The following CTDP1 variants were observed in gnomAD, a reference collection of about 807,000 sequenced individuals.
The protein encoded by CTDP1 is CTD phosphatase 1, also known as RNA polymerase II subunit A C-terminal domain phosphatase.
CTDP1 carries 47 observed loss-of-function variants against 91.8 expected under a neutral mutation model. The observed-to-expected ratio is 0.51, with a 90% CI of 0.41 to 0.65. The LOEUF (loss-of-function observed/expected upper bound fraction) is 0.65, where lower values mean the gene tolerates loss of function less well. Ranked by LOEUF, CTDP1 falls within the 30% of genes least tolerant of loss-of-function variation. CTDP1 has a pLI of 0.00. For missense variants in CTDP1, 1,272 were observed against 1,373.7 expected, an observed-to-expected ratio of 0.93 and a Z score of 1.17; for synonymous variants, 656 against 598.5, an observed-to-expected ratio of 1.10 and a Z score of -1.40.
At chr18:79,749,710 TC>T (rs2086957950) in intron 12 of CTDP1, 1 of 152,284 alleles carries the variant, frequency 6.6e-6, no homozygotes, top group African/African-American at 2.4e-5. Flanking sequence ...GTTGAGCTCT[TC>T]CAGGGGTTCG....
intron 1 of CTDP1, chr18:79,685,417 A>G (rs677768): frequency 0.7 from 106,190 of 152,032 alleles, 37,552 homozygotes; most frequent in Middle Eastern, 0.74. Context: ...GGGAGCCTGC[A>G]GTGACTGGTG....
chr18:79,752,236 GGCACCGGCTGGTTAT>G (rs1363544680), intron 12 of CTDP1, among the ~76,000 whole-genome samples: 84 of 152,060 alleles, frequency 5.5e-4, no homozygotes, highest in African/African-American at 2.0e-3. Context: ...AAAGCCTAGT[GGCACCGGCTGGTTAT>G]GCAGAGGCTC....
intron 1 of CTDP1, among the ~76,000 whole-genome samples, chr18:79,689,969 GGCT>G (rs1377534061): frequency 6.6e-6 from 1 of 152,172 alleles, no homozygotes; most frequent in Non-Finnish European, 1.5e-5. Flanking sequence ...ACGGATTCTA[GGCT>G]GCTGCTCTCC....
intron 1 of CTDP1, among the ~76,000 whole-genome samples, chr18:79,689,863 C>G (rs1055673866): frequency 6.6e-6 from 1 of 152,156 alleles, no homozygotes; most frequent in Non-Finnish European, 1.5e-5. Context: ...TATTATTTGC[C>G]TTGACACAAA....
chr18:79,731,822 G>A (rs2086570880), intron 11 of CTDP1, among the ~76,000 whole-genome samples: 1 of 152,202 alleles, frequency 6.6e-6, no homozygotes, highest in Non-Finnish European at 1.5e-5. Flanking sequence ...AAGAACAGAG[G>A]CCGGGTGTGG....
chr18:79,753,514 C>T (rs2087041455), intron 12 of CTDP1, 138 bp from the exon 13 acceptor site: 1 of 1,373,130 alleles, frequency 7.3e-7, no homozygotes, highest in Non-Finnish European at 1.0e-6. Flanking sequence ...GGGTCGGTGG[C>T]CTGTGTGTGT....
chr18:79,711,702 A>G (rs1185311197), intron 6 of CTDP1, among the ~76,000 whole-genome samples: 3 of 152,206 alleles, frequency 2.0e-5, no homozygotes, highest in Non-Finnish European at 4.4e-5. Context: ...TATTATGCCC[A>G]TATTTTTGCC....
chr18:79,727,512 G>A (rs1340985412), intron 10 of CTDP1, among the ~76,000 whole-genome samples: 2 of 152,188 alleles, frequency 1.3e-5, no homozygotes, highest in Non-Finnish European at 2.9e-5. Context: ...TGCGGCGTTC[G>A]TGGGATGGGA....
intron 6 of CTDP1, among the ~76,000 whole-genome samples, chr18:79,711,790 C>T (rs1373700051): frequency 2.0e-5 from 3 of 152,180 alleles, no homozygotes; most frequent in African/African-American, 4.8e-5. Context: ...CAGGGCAGGC[C>T]GCTCCCCGCC....
intron 12 of CTDP1, 77 bp downstream of exon 12, chr18:79,736,598 C>CTGCA (rs2086672767): frequency 7.3e-7 from 1 of 1,366,178 alleles, no homozygotes; most frequent in South Asian, 1.4e-5. Context: ...GGCCGCCTAC[C>CTGCA]TGCATCTCAT....
At chr18:79,705,600 G>A (rs955285271) in intron 5 of CTDP1, among the ~76,000 whole-genome samples, 4 of 151,628 alleles carry the variant, frequency 2.6e-5, no homozygotes, top group Non-Finnish European at 5.9e-5. Context: ...GACGGCGACC[G>A]TCTGTCCCAC....
chr18:79,694,672 G>C (rs976041018), intron 1 of CTDP1, among the ~76,000 whole-genome samples: 2 of 152,172 alleles, frequency 1.3e-5, no homozygotes, highest in African/African-American at 4.8e-5. Flanking sequence ...CTGAGTGCCA[G>C]GCGGCCTCTG....
chr18:79,739,866 G>A (rs77273892), intron 12 of CTDP1, among the ~76,000 whole-genome samples: 130 of 11,816 alleles, frequency 0.011, no homozygotes, highest in Middle Eastern at 0.025. Flanking sequence ...ACCCACGGCC[G>A]GGACGGGTGG....
At chr18:79,714,065 G>A (rs534859856) in intron 7 of CTDP1, among the ~76,000 whole-genome samples, 28 of 151,986 alleles carry the variant, frequency 1.8e-4, no homozygotes, top group Non-Finnish European at 2.9e-5. Context: ...CCACGGTGGC[G>A]CCAGGTCTGC....
At position 79,715,461 on chromosome 18, in the gene CTDP1, C is replaced by T; in HGVS notation, c.2001C>T (p.Ile667=). The T allele has an allele frequency of 6.3e-7, 1 of 1,586,756 alleles. No individual in the cohort carries two copies. Among genetic ancestry groups the T allele is most frequent in the South Asian group, 1.1e-5 (1 of 86,988 alleles). The change falls in exon 8 of 13, where the codon ATC becomes ATT. Residue 667 remains isoleucine (I), a synonymous_variant. Transcript: ENST00000613122. ...HYHATALGAK[I]LTRLVLSPDA... Reference sequence around the variant, plus strand: ...ACGCCACGGCGCTGGGAGCGAAGATCCTCACTCGGCTGGTGCTGAGCCCCG... The same window carrying T: ...ACGCCACGGCGCTGGGAGCGAAGATTCTCACTCGGCTGGTGCTGAGCCCCG...
rs1233121992 is a variant in CTDP1 at position 79,753,817 on chromosome 18, C to T, written c.*27C>T. ...CGCGGGCAGCGGGCAGGGACTGAAG[C>T]CTGACCGACCTCCAGCAGCACTCGG... is the stretch of plus-strand genomic sequence containing the variant. On this transcript the variant is annotated 3_prime_UTR_variant, in exon 13 of 13. Coordinates refer to ENST00000613122, the MANE Select transcript of CTDP1 (RefSeq NM_004715.5). 2 of 1,609,304 alleles carry T rather than the reference C, an allele frequency of 1.2e-6. No homozygotes were observed. Among genetic ancestry groups the T allele is most frequent in the Non-Finnish European group, 8.5e-7 (1 of 1,178,684 alleles).
chr18:79,742,917 C>G (rs534873561), intron 12 of CTDP1, among the ~76,000 whole-genome samples: 2 of 152,348 alleles, frequency 1.3e-5, no homozygotes, highest in African/African-American at 4.8e-5. Context: ...GATCATGCCA[C>G]TGCACTCCCG....
chr18:79,719,401 G>T (rs559000500), intron 10 of CTDP1, among the ~76,000 whole-genome samples: 2 of 152,080 alleles, frequency 1.3e-5, no homozygotes, highest in African/African-American at 4.8e-5. Context: ...TGGGACCTAG[G>T]GGGTGGGGGG....
intron 10 of CTDP1, among the ~76,000 whole-genome samples, chr18:79,718,438 G>A (rs59850643): frequency 1.3e-5 from 2 of 152,282 alleles, no homozygotes; most frequent in East Asian, 3.9e-4. Context: ...TGCCCTCTTC[G>A]TTTCCACACA....
Sources: allele counts gnomAD v4.1 joint callset (sites outside exome capture counted in the v4.1 genomes callset), GRCh38; gene constraint gnomAD v4.1.1; transcripts MANE v1.5; gene names NCBI Gene and HGNC (gene_info 2026-07-23, HGNC 2026-07-21).